Variants in FGGY observed in about 807,000 individuals in gnomAD.
FGGY encodes the protein FGGY carbohydrate kinase domain-containing protein.
FGGY carries 72 observed loss-of-function variants against 71.3 expected under a neutral mutation model. That is an observed-to-expected ratio of 1.01 (90% CI 0.84 to 1.23). The LOEUF (loss-of-function observed/expected upper bound fraction) is 1.23. Ranked by LOEUF, FGGY falls within the 50% of genes most tolerant of loss-of-function variation. FGGY has a pLI of 0.00. For missense variants in FGGY, 668 were observed against 682.3 expected (o/e 0.98, Z 0.23); for synonymous variants, 251 against 250.3 (o/e 1.00, Z -0.02).
intron 7 of FGGY, among the ~76,000 whole-genome samples, chr1:59,531,443 C>G (rs1276640375): frequency 6.6e-6 from 1 of 151,988 alleles, no homozygotes; most frequent in Non-Finnish European, 1.5e-5. Context: ...AAATAAAAAG[C>G]TGGTGAAAAT....
At chr1:59,665,175 T>G (rs1341427123) in intron 12 of FGGY, among the ~76,000 whole-genome samples, 1 of 152,064 alleles carries the variant, frequency 6.6e-6, no homozygotes, top group African/African-American at 2.4e-5. Context: ...GTATGTGACT[T>G]TTTTTTTCTG....
At chr1:59,612,412 G>A (rs562552999) in intron 9 of FGGY, among the ~76,000 whole-genome samples, 48 of 152,152 alleles carry the variant, frequency 3.2e-4, no homozygotes, top group African/African-American at 1.1e-3. Context: ...CATAAGTGAA[G>A]GAGAAATGAA....
At chr1:59,653,427 C>A (rs962137524) in intron 11 of FGGY, among the ~76,000 whole-genome samples, 9 of 152,056 alleles carry the variant, frequency 5.9e-5, no homozygotes, top group African/African-American at 2.2e-4. Context: ...TAGGACCCTC[C>A]GAGCCAGGTG....
intron 1 of FGGY, among the ~76,000 whole-genome samples, chr1:59,299,626 A>G (rs1557473434): frequency 6.7e-6 from 1 of 148,896 alleles, no homozygotes; most frequent in Non-Finnish European, 1.5e-5. Context: ...TCTTCTCAGC[A>G]AGGCCATTTA....
chr1:59,498,306 A>G (rs990658805), intron 6 of FGGY, among the ~76,000 whole-genome samples: 1 of 152,208 alleles, frequency 6.6e-6, no homozygotes, highest in African/African-American at 2.4e-5. Flanking sequence ...CTTAGATTGT[A>G]CTTGTAAAAT....
intron 8 of FGGY, among the ~76,000 whole-genome samples, chr1:59,604,717 C>T (rs1346537484): frequency 2.0e-5 from 3 of 152,174 alleles, no homozygotes; most frequent in Admixed American, 2.0e-4. Context: ...CCATCGTGGT[C>T]ATCCATGTAC....
At chr1:59,382,092 G>A (rs900470956) in intron 5 of FGGY, among the ~76,000 whole-genome samples, 1 of 152,100 alleles carries the variant, frequency 6.6e-6, no homozygotes, top group Non-Finnish European at 1.5e-5. Flanking sequence ...TGTGAAGAAG[G>A]GAATCATTTC....
At chr1:59,316,916 A>C (rs1435389019) in intron 1 of FGGY, among the ~76,000 whole-genome samples, 1 of 152,036 alleles carries the variant, frequency 6.6e-6, no homozygotes. Flanking sequence ...TTTTCTTTTT[A>C]GAGTATTTAT....
At chr1:59,730,307 CTTTT>C (rs35424239) in intron 14 of FGGY, among the ~76,000 whole-genome samples, 8 of 139,176 alleles carry the variant, frequency 5.7e-5, no homozygotes, top group Admixed American at 5.0e-4. Flanking sequence ...AGTTTCTTAG[CTTTT>C]TTTTTTTTTT....
chr1:59,637,956 A>T (rs530120090), intron 10 of FGGY, among the ~76,000 whole-genome samples: 1 of 152,182 alleles, frequency 6.6e-6, no homozygotes, highest in East Asian at 1.9e-4. Flanking sequence ...GTGGTTCAGA[A>T]AGTTTGAATA....
intron 11 of FGGY, among the ~76,000 whole-genome samples, chr1:59,654,460 A>G (rs1369499219): frequency 6.6e-6 from 1 of 152,206 alleles, no homozygotes; most frequent in Non-Finnish European, 1.5e-5. Context: ...TGATGACCAT[A>G]GAAAAATCTC....
rs983372512 is a variant in FGGY at position 59,365,138 on chromosome 1, G to A, written c.466-13611G>A. On this transcript the variant is annotated intron_variant, in intron 4 of 15. Transcript: ENST00000303721. ...TGAATTGGAGTTTCAGATTTGGCAC[G>A]TTATTCAGCGTGTAGTTGGTTGGAA... is the stretch of plus-strand genomic sequence containing the variant. Among the ~76,000 whole-genome samples, 143 of 152,140 alleles carry A rather than the reference G, an allele frequency of 9.4e-4. 2 individuals are homozygous for A. The highest frequency in any genetic ancestry group is 4.6e-4 in the Admixed American group (7 of 15,280).
chr1:59,433,755 C>T (rs552497350), intron 5 of FGGY, among the ~76,000 whole-genome samples: 195 of 152,282 alleles, frequency 1.3e-3, no homozygotes, highest in African/African-American at 4.5e-3. Flanking sequence ...TCGCCAGCTC[C>T]GTTGTCATGA....
At chr1:59,604,177 C>T (rs2096602294) in intron 8 of FGGY, among the ~76,000 whole-genome samples, 2 of 152,200 alleles carry the variant, frequency 1.3e-5, no homozygotes, top group African/African-American at 4.8e-5. Flanking sequence ...AGCTCCCCTT[C>T]TTTAGGGTCA....
intron 14 of FGGY, among the ~76,000 whole-genome samples, chr1:59,756,539 C>A (rs2098293314): frequency 6.6e-6 from 1 of 152,210 alleles, no homozygotes; most frequent in Admixed American, 6.5e-5. Context: ...CTTTTCCACT[C>A]TATAGTGAGC....
intron 5 of FGGY, among the ~76,000 whole-genome samples, chr1:59,404,877 T>C (rs1387801151): frequency 6.6e-6 from 1 of 152,150 alleles, no homozygotes; most frequent in African/African-American, 2.4e-5. Flanking sequence ...ACAGGTCTTC[T>C]CCACGTACTG....
chr1:59,679,773 G>A (rs1573069246), intron 14 of FGGY, among the ~76,000 whole-genome samples: 2 of 151,758 alleles, frequency 1.3e-5, no homozygotes, highest in East Asian at 3.9e-4. Flanking sequence ...AAAATATGTA[G>A]TAAACTTCTT....
At chr1:59,662,319 CAAAAAAA>C (rs372754171) in intron 12 of FGGY, among the ~76,000 whole-genome samples, 2 of 101,138 alleles carry the variant, frequency 2.0e-5, no homozygotes, top group African/African-American at 4.1e-5. Flanking sequence ...GACTCCATCT[CAAAAAAA>C]AAAAAAAAAG....
intron 7 of FGGY, among the ~76,000 whole-genome samples, chr1:59,529,661 G>A (rs147732279): frequency 1.5e-4 from 23 of 152,332 alleles, no homozygotes; most frequent in African/African-American, 5.1e-4. Flanking sequence ...TGTCCCATCT[G>A]AGTACCGTTT....
Sources: allele counts gnomAD v4.1 joint callset (sites outside exome capture counted in the v4.1 genomes callset), GRCh38; gene constraint gnomAD v4.1.1; transcripts MANE v1.5; gene names NCBI Gene and HGNC (gene_info 2026-07-23, HGNC 2026-07-21).